COX15: variants seen among roughly 807,000 people sequenced by gnomAD.
The protein encoded by COX15 is cytochrome c oxidase assembly factor COX15.
A neutral mutation model predicts 51.9 loss-of-function variants in COX15; 51 were observed. That is an observed-to-expected ratio of 0.98 (90% confidence interval 0.78 to 1.24). The LOEUF (loss-of-function observed/expected upper bound fraction) is 1.24, where lower values mean the gene tolerates loss of function less well. Among genes scored for constraint, COX15 ranks in the 50% most tolerant of loss-of-function variants. COX15 has a pLI of 0.00. For synonymous variants in COX15, 188 were observed against 190.5 expected (o/e 0.99, Z 0.11); for missense variants, 420 against 501.1 (o/e 0.84, Z 1.55).
chr10:99,711,225 A>G lies in COX15; in HGVS notation c.*3362T>C, dbSNP rs1296504635. ...CTGTAATAAAAGAAAAATGAAGTAA[A>G]ACATCTGAAACCTTAACTTACTCAT... On this transcript the variant is annotated 3_prime_UTR_variant, in exon 9 of 9. Coordinates refer to ENST00000016171, the MANE Select transcript of COX15 (RefSeq NM_078470.6). 2 of 985,384 alleles carry G rather than the reference A, an allele frequency of 2.0e-6. No individual in the cohort carries two copies. The highest frequency in any genetic ancestry group is 2.4e-6 in the Non-Finnish European group (2 of 829,884). 61.0% of individuals were successfully genotyped at this position (985,384 alleles called of 1,614,324 possible).
the COX15 span, among the ~76,000 whole-genome samples, chr10:99,704,226 G>A: frequency 6.6e-6 from 1 of 152,144 alleles, no homozygotes; most frequent in Non-Finnish European, 1.5e-5. Flanking sequence ...ATTCTGGAGG[G>A]TGTAAGCCTG....
chr10:99,719,146 A>G (rs1431591642), intron 6 of COX15, among the ~76,000 whole-genome samples: 1 of 152,266 alleles, frequency 6.6e-6, no homozygotes, highest in East Asian at 1.9e-4. Context: ...GAGGGTATTC[A>G]TGAATTAATG....
chr10:99,695,805 T>G, the COX15 span: 1 of 666,110 alleles, frequency 1.5e-6, no homozygotes, highest in Non-Finnish European at 2.3e-6. Flanking sequence ...TTTTGTGTCT[T>G]TGTTTAAAAT....
Position 99,720,975 on chromosome 10 carries a change from G to T in COX15, c.832+12C>A, listed in dbSNP as rs879861254. The T allele has an allele frequency of 6.2e-7, 1 of 1,609,760 alleles. No homozygotes were observed. The highest frequency in any genetic ancestry group is 1.3e-5 in the African/African-American group (1 of 74,834). On this transcript the variant is annotated intron_variant, in intron 6 of 8. Coordinates refer to ENST00000016171, the MANE Select transcript of COX15 (RefSeq NM_078470.6). ...AATGCAAACAGGTCATCTTTGATGA[G>T]CTGAGTCCTACCTGAGAGGGCCGTA...
In COX15 at chr10:99,714,254, C is replaced by A; in HGVS notation, c.*333G>T. ...AATTAAGGACTCAGGAGAACATCCA[C>A]GTAGAAATCATCCACGTAGAACCAA... is the stretch of plus-strand genomic sequence containing the variant. On this transcript the variant is annotated 3_prime_UTR_variant, in exon 9 of 9. Coordinates refer to ENST00000016171, the MANE Select transcript of COX15 (RefSeq NM_078470.6). 1.7e-6 allele frequency: 2 copies of A among 1,170,332 alleles called. No individual in the cohort carries two copies. The highest frequency in any genetic ancestry group is 1.1e-6 in the Non-Finnish European group (1 of 935,054). The allele number at this position is 1,170,332 out of a possible 1,614,324, so 72.5% of individuals were successfully genotyped here.
At chr10:99,708,975 C>T (rs201701928), downstream of COX15, 1 of 985,410 alleles carries the variant, frequency 1.0e-6, no homozygotes, top group East Asian at 1.1e-4. Flanking sequence ...CTGCTTTGCT[C>T]ACATTTAGGA....
At chr10:99,728,095 TA>T (rs2037021643) in intron 2 of COX15, among the ~76,000 whole-genome samples, 1 of 152,232 alleles carries the variant, frequency 6.6e-6, no homozygotes, top group Admixed American at 6.5e-5. Flanking sequence ...GAAACTTTTT[TA>T]CCAAAAGGAA....
chr10:99,716,471 A>G lies in COX15; in HGVS notation c.988-10T>C. ...TGACTGAAGTGATTCCCTGCAGGGA[A>G]GAAAGAGTCTATCACATTAGATAGA... On this transcript the variant is annotated splice_polypyrimidine_tract_variant and intron_variant, in intron 7 of 8. Transcript: ENST00000016171. 6.3e-7 allele frequency: 1 copy of G among 1,576,036 alleles called. No homozygotes were observed. The highest frequency in any genetic ancestry group is 8.7e-7 in the Non-Finnish European group (1 of 1,145,838).
chr10:99,710,028 C>T (rs2036333672), downstream of COX15: 1 of 985,328 alleles, frequency 1.0e-6, no homozygotes, highest in Non-Finnish European at 1.2e-6. Flanking sequence ...TTCTGAATCA[C>T]AGGCTATGTA....
Position 99,710,883 on chromosome 10 carries a change from G to A in COX15, c.*3704C>T. On this transcript the variant is annotated 3_prime_UTR_variant, in exon 9 of 9. Coordinates refer to ENST00000016171, the MANE Select transcript of COX15 (RefSeq NM_078470.6). ...GGTTGACTGATTAAGAAAGCCATGT[G>A]TTTTAATTTCCTTCATGTTTTAAAA... is the stretch of plus-strand genomic sequence containing the variant. The A allele has an allele frequency of 1.0e-6, 1 of 985,252 alleles. No homozygotes were observed. Among genetic ancestry groups the A allele is most frequent in the Middle Eastern group, 5.2e-4 (1 of 1,914 alleles). The allele number at this position is 985,252 out of a possible 1,614,324, so 61.0% of individuals were successfully genotyped here. A position where few individuals can be genotyped will look rare whatever the true frequency, so the allele number is the denominator to read the frequency against.
At chr10:99,727,978 A>G (rs2037016454) in intron 2 of COX15, among the ~76,000 whole-genome samples, 1 of 152,212 alleles carries the variant, frequency 6.6e-6, no homozygotes, top group South Asian at 2.1e-4. Flanking sequence ...ATAAAATTCA[A>G]ATTTGTTTCA....
chr10:99,700,604 C>T, the COX15 span, among the ~76,000 whole-genome samples: 17 of 152,308 alleles, frequency 1.1e-4, no homozygotes, highest in East Asian at 3.3e-3. Flanking sequence ...AATTACAACA[C>T]CGAGGGAGGC....
the COX15 span, chr10:99,702,439 A>T: frequency 1.5e-6 from 2 of 1,298,250 alleles, no homozygotes; most frequent in East Asian, 2.6e-5. Flanking sequence ...GGGAATACGG[A>T]GTGGCTTATT....
chr10:99,714,753 G>A, intron 8 of COX15, 35 bp from the exon 9 acceptor site: 2 of 1,610,246 alleles, frequency 1.2e-6, no homozygotes, highest in Non-Finnish European at 1.7e-6. Flanking sequence ...AGGAAAGGCA[G>A]TAACCCAAAG....
chr10:99,725,914 C>G (rs564331054), intron 4 of COX15, among the ~76,000 whole-genome samples: 1 of 152,300 alleles, frequency 6.6e-6, no homozygotes, highest in Non-Finnish European at 1.5e-5. Flanking sequence ...TAGCTTCCTC[C>G]TGATTAAATT....
Position 99,713,589 on chromosome 10 carries a change from C to T in COX15, c.*998G>A. ...CATCAAGGCCATATTTTTCTTATTA[C>T]AAAGCTGTTAGGAAACCCTCTCAGG... On this transcript the variant is annotated 3_prime_UTR_variant, in exon 9 of 9. Coordinates refer to ENST00000016171, the MANE Select transcript of COX15 (RefSeq NM_078470.6). The T allele has an allele frequency of 4.7e-6, 7 of 1,504,074 alleles. No homozygotes were observed. Among genetic ancestry groups the T allele is most frequent in the Non-Finnish European group, 6.3e-6 (7 of 1,116,300 alleles). The allele number at this position is 1,504,074 out of a possible 1,614,324, so 93.2% of individuals were successfully genotyped here.
At chr10:99,698,368 T>C in the COX15 span, among the ~76,000 whole-genome samples, 1 of 152,302 alleles carries the variant, frequency 6.6e-6, no homozygotes, top group East Asian at 1.9e-4. Context: ...AAATTTAACT[T>C]GCTGAAGTTA....
At chr10:99,723,522 G>A (rs532591040) in intron 5 of COX15, among the ~76,000 whole-genome samples, 3 of 152,176 alleles carry the variant, frequency 2.0e-5, no homozygotes, top group South Asian at 2.1e-4. Flanking sequence ...TATTAATGAA[G>A]GCCTCAAAAA....
Position 99,722,053 on chromosome 10 carries a change from TG to T in COX15, c.751-986del, listed in dbSNP as rs545938155. 2.0e-5 allele frequency among the ~76,000 whole-genome samples: 3 copies of T among 152,048 alleles called. No individual in the cohort carries two copies. In the East Asian group the frequency reaches 5.8e-4, roughly 30 times the overall value. On this transcript the variant is annotated intron_variant, in intron 5 of 8. Coordinates refer to ENST00000016171, the MANE Select transcript of COX15 (RefSeq NM_078470.6). The stretch of plus-strand genomic sequence containing the variant: ...CTAATTTTTTAACTTTTAGTAGAGA[TG>T]GGGGTTTCACTATGTTGGCCAGGCT...
Sources: gnomAD v4.1 joint callset for allele counts (sites outside exome capture counted in the v4.1 genomes callset) on GRCh38, gnomAD v4.1.1 for gene constraint, MANE v1.5 for transcripts, NCBI Gene and HGNC (gene_info 2026-07-23, HGNC 2026-07-21) for gene names.